YJU2B: variants seen among roughly 807,000 people sequenced by gnomAD.
The protein encoded by YJU2B is probable splicing factor YJU2B.
In YJU2B, 18 loss-of-function variants were observed where a neutral mutation model predicts 38.0. The ratio of observed to expected loss-of-function variants is 0.47; its 90% confidence interval spans 0.33 to 0.70. The LOEUF is 0.70. YJU2B is among the 30% of genes least tolerant of loss of function. The probability of loss-of-function intolerance (pLI) is 0.02; values close to 1 mark genes in which losing one functional copy is unlikely to be tolerated. For synonymous variants in YJU2B, 246 were observed against 225.4 expected, an observed-to-expected ratio of 1.09 and a Z score of -0.82; for missense variants, 538 against 556.3, an observed-to-expected ratio of 0.97 and a Z score of 0.33.
chr19:13,754,700 C>A (rs1277581040), intron 3 of YJU2B, among the ~76,000 whole-genome samples: 1 of 152,150 alleles, frequency 6.6e-6, no homozygotes, highest in Non-Finnish European at 1.5e-5. Flanking sequence ...CATACTCTCA[C>A]TTCCTTAAGT....
intron 2 of YJU2B, among the ~76,000 whole-genome samples, chr19:13,753,034 C>T (rs909108872): frequency 3.9e-5 from 6 of 152,180 alleles, no homozygotes; most frequent in African/African-American, 9.7e-5. Flanking sequence ...TACTTCTTAC[C>T]GTCAATCACA....
intron 3 of YJU2B, among the ~76,000 whole-genome samples, chr19:13,755,459 CAAA>C (rs35675919): frequency 1.7e-5 from 2 of 114,992 alleles, no homozygotes; most frequent in Admixed American, 9.9e-5. Flanking sequence ...GACTCTGTCT[CAAA>C]AAAAAAAAAA....
rs1972844529 is a variant in YJU2B, at chr19:13,732,602, C to CCTTT, written c.-202+317_-202+318insCTTT. ...CTTAAAAAAAAAAAAAAAGTGCATA[C>CCTTT]TTTCTTTCTTTTTTTTTTTTTTTTT... is the stretch of plus-strand genomic sequence containing the variant. On this transcript the variant is annotated intron_variant, in intron 2 of 10. Transcript: ENST00000586600. 6 of 120,406 alleles carry CCTTT rather than the reference C, an allele frequency of 5.0e-5. 1 individual carries two copies. Among genetic ancestry groups the CCTTT allele is most frequent in the South Asian group, 3.2e-4 (1 of 3,140 alleles). The allele number at this position is 120,406 out of a possible 1,614,324, so 7.5% of individuals were successfully genotyped here. A position where few individuals can be genotyped will look rare whatever the true frequency, so the allele number is the denominator to read the frequency against.
intron 2 of YJU2B, among the ~76,000 whole-genome samples, chr19:13,752,246 CT>C (rs1973496270): frequency 2.6e-5 from 4 of 151,904 alleles, no homozygotes; most frequent in African/African-American, 9.7e-5. Flanking sequence ...TCCCCCTCCC[CT>C]ACCCCTTCCT....
chr19:13,758,776 C>T, intron 6 of YJU2B, 92 bp from the exon 7 acceptor site: 1 of 1,465,446 alleles, frequency 6.8e-7, no homozygotes, highest in Non-Finnish European at 9.4e-7. Flanking sequence ...TGTCAAATGA[C>T]ACCATTGGGT....
intron 1 of YJU2B, chr19:13,732,102 G>T (rs563652284): frequency 6.6e-6 from 1 of 152,252 alleles, no homozygotes; most frequent in Non-Finnish European, 1.5e-5. Context: ...GTAGGACTTC[G>T]GGGTGGGAGT....
chr19:13,762,238 T>C (rs1973915781), intron 8 of YJU2B, 61 bp from the exon 9 acceptor site: 11 of 1,580,994 alleles, frequency 7.0e-6, no homozygotes, highest in Non-Finnish European at 6.9e-6. Context: ...TGCCCCCTAG[T>C]ACACAGAAGA....
chr19:13,748,815 AT>A (rs1221627485), intron 1 of YJU2B, among the ~76,000 whole-genome samples: 1 of 152,118 alleles, frequency 6.6e-6, no homozygotes, highest in African/African-American at 2.4e-5. Flanking sequence ...GCACTTAGCT[AT>A]TTTGTTGGCA....
At chr19:13,732,537 T>G (rs1972842249) in intron 2 of YJU2B, 1 of 145,960 alleles carries the variant, frequency 6.9e-6, no homozygotes, top group African/African-American at 2.6e-5. Flanking sequence ...AGCCCAGGAG[T>G]GCCAATCCCT....
chr19:13,756,378 T>C, intron 4 of YJU2B, 99 bp downstream of exon 4: 1 of 889,224 alleles, frequency 1.1e-6, no homozygotes, highest in Admixed American at 1.9e-5. Context: ...TGCAGGGTCT[T>C]CATTCCATAA....
At chr19:13,750,847 G>T (rs570240075) in intron 1 of YJU2B, among the ~76,000 whole-genome samples, 6 of 118,296 alleles carry the variant, frequency 5.1e-5, no homozygotes, top group Non-Finnish European at 9.7e-5. Context: ...GATAGAGTGA[G>T]ACTCCGTCTC....
intron 2 of YJU2B, among the ~76,000 whole-genome samples, chr19:13,734,980 G>A (rs1035950459): frequency 6.6e-6 from 1 of 152,190 alleles, no homozygotes; most frequent in African/African-American, 2.4e-5. Flanking sequence ...ATGGATGATT[G>A]TAATCAACAG....
At chr19:13,745,717 C>CTATATATATA (rs1212314804), upstream of YJU2B, among the ~76,000 whole-genome samples, 4 of 110,630 alleles carry the variant, frequency 3.6e-5, no homozygotes, top group African/African-American at 1.5e-4. Flanking sequence ...ATCTATAGAT[C>CTATATATATA]TATAGATATC....
intron 3 of YJU2B, 114 bp downstream of exon 3, chr19:13,754,456 T>C: frequency 1.2e-6 from 1 of 863,496 alleles, no homozygotes; most frequent in Non-Finnish European, 2.0e-6. Flanking sequence ...CTTTTTGTCT[T>C]CTGCATGTCA....
In YJU2B at chr19:13,763,188, C is replaced by T. The variant is rs1973990103; in HGVS notation, c.*120C>T. The T allele has an allele frequency of 6.6e-6, 5 of 760,900 alleles. No homozygotes were observed. The highest frequency in any genetic ancestry group is 2.7e-5 in the East Asian group (1 of 36,894). The allele number at this position is 760,900 out of a possible 1,614,324, so 47.1% of individuals were successfully genotyped here. A position where few individuals can be genotyped will look rare whatever the true frequency, so the allele number is the denominator to read the frequency against. ...CCTGGGAGAGCTCAGATGCCGCATC[C>T]TCCCCAGACCGCGCCTTCCTGCAAC... On this transcript the variant is annotated 3_prime_UTR_variant, in exon 10 of 10. Transcript: ENST00000221554.
chr19:13,748,776 G>T (rs1443530130), intron 1 of YJU2B, among the ~76,000 whole-genome samples: 2 of 152,216 alleles, frequency 1.3e-5, no homozygotes, highest in Non-Finnish European at 1.5e-5. Flanking sequence ...TTCAAGCCCA[G>T]GGAGCCGTGT....
In YJU2B at chr19:13,762,880, G is replaced by GACTGTCCTCCGGAA. The variant is rs1973960403; in HGVS notation, c.1006_1019dup (p.Thr341ValfsTer73). 6.2e-7 allele frequency: 1 copy of GACTGTCCTCCGGAA among 1,610,866 alleles called. No individual in the cohort carries two copies. The highest frequency in any genetic ancestry group is 8.5e-7 in the Non-Finnish European group (1 of 1,179,366). On this transcript the variant is annotated frameshift_variant, in exon 10 of 10. Transcript: ENST00000221554. LOFTEE classifies it low-confidence loss of function (END_TRUNC). ...CCAGGACCGGCCCATGTCCCCCGGA[G>GACTGTCCTCCGGAA]ACTGTCCTCCGGAAACAACTGAGAC... is the stretch of plus-strand genomic sequence containing the variant.
In YJU2B at chr19:13,762,571, G is replaced by A; in HGVS notation, c.713-19G>A. On this transcript the variant is annotated intron_variant, in intron 9 of 9. Coordinates refer to ENST00000221554, the MANE Select transcript of YJU2B (RefSeq NM_030818.4). ...CCCCCTCCCCTGCCGCCCCTGAAATGTCCTCTCCTCTCCTCTAGCCTACGA... is the reference window on the plus strand; with the variant it reads ...CCCCCTCCCCTGCCGCCCCTGAAATATCCTCTCCTCTCCTCTAGCCTACGA... 1 of 1,531,870 alleles carries A rather than the reference G, an allele frequency of 6.5e-7. No homozygotes were observed. Among genetic ancestry groups the A allele is most frequent in the Non-Finnish European group, 8.7e-7 (1 of 1,146,458 alleles). The allele number at this position is 1,531,870 out of a possible 1,614,324, so 94.9% of individuals were successfully genotyped here.
At chr19:13,741,066 C>T (rs1221248077) in intron 2 of YJU2B, among the ~76,000 whole-genome samples, 1 of 151,692 alleles carries the variant, frequency 6.6e-6, no homozygotes, top group Non-Finnish European at 1.5e-5. Context: ...AATATATTGT[C>T]AAAACCAGGT....
Sources: allele counts gnomAD v4.1 joint callset (sites outside exome capture counted in the v4.1 genomes callset), GRCh38; gene constraint gnomAD v4.1.1; transcripts MANE v1.5; gene names NCBI Gene and HGNC (gene_info 2026-07-23, HGNC 2026-07-21).